The following DEGS2 variants were observed in gnomAD, a reference collection of about 807,000 sequenced individuals.
DEGS2 encodes the protein sphingolipid delta(4)-desaturase/C4-monooxygenase DES2.
Under a neutral mutation model 23.8 loss-of-function variants are expected in DEGS2, and 19 were observed. The observed-to-expected ratio is 0.80, with a 90% CI of 0.56 to 1.17. The LOEUF (loss-of-function observed/expected upper bound fraction) is 1.17, where lower values mean the gene tolerates loss of function less well. DEGS2 is among the 50% of genes most tolerant of loss of function. The probability of loss-of-function intolerance (pLI) is 0.00; values close to 1 mark genes in which losing one functional copy is unlikely to be tolerated. For synonymous variants in DEGS2, 218 were observed against 213.7 expected (o/e 1.02, Z -0.18); for missense variants, 390 against 459.5 (o/e 0.85, Z 1.38).
chr14:100,165,104 G>A, the DEGS2 span, among the ~76,000 whole-genome samples: 1 of 152,140 alleles, frequency 6.6e-6, no homozygotes, highest in Non-Finnish European at 1.5e-5. Context: ...TAGGACTAGA[G>A]ATTCCTTCTC....
chr14:100,165,145 C>T, the DEGS2 span, among the ~76,000 whole-genome samples: 1 of 152,186 alleles, frequency 6.6e-6, no homozygotes, highest in Non-Finnish European at 1.5e-5. Flanking sequence ...CAGCCCACAG[C>T]CCACTACCTC....
chr14:100,154,660 C>T (rs1005046578), intron 1 of DEGS2, among the ~76,000 whole-genome samples: 4 of 152,246 alleles, frequency 2.6e-5, no homozygotes, highest in African/African-American at 9.6e-5. Context: ...GGGAGGCCAG[C>T]CCAAAGCCCC....
chr14:100,149,674 T>C lies in DEGS2; in HGVS notation c.119A>G (p.Asp40Gly), dbSNP rs1369410184. 1 of 1,609,776 alleles carries C rather than the reference T, an allele frequency of 6.2e-7. No homozygotes were observed. Among genetic ancestry groups the C allele is most frequent in the Non-Finnish European group, 8.5e-7 (1 of 1,178,342 alleles). ...YPAIKALMRP[D>G]PRLKWAVLVL... Reference sequence around the variant, plus strand: ...CAGCACCGCCCACTTGAGGCGCGGGTCTGGCCGCATCAGGGCCTTGATGGC... The same window carrying C: ...CAGCACCGCCCACTTGAGGCGCGGGCCTGGCCGCATCAGGGCCTTGATGGC... Residue 40 changes from aspartate to glycine, a missense_variant, in exon 2 of 3, where the codon GAC becomes GGC. Asp to Gly is a moderately conservative substitution (Grantham distance 94). Coordinates refer to ENST00000305631, the MANE Select transcript of DEGS2 (RefSeq NM_206918.3).
intron 2 of DEGS2, among the ~76,000 whole-genome samples, chr14:100,147,394 AC>A (rs1233778445): frequency 6.6e-6 from 1 of 152,116 alleles, no homozygotes; most frequent in East Asian, 1.9e-4. Flanking sequence ...CCTGAGTCCT[AC>A]CAGGCCACAG....
chr14:100,164,977 G>A, the DEGS2 span, among the ~76,000 whole-genome samples: 1 of 152,296 alleles, frequency 6.6e-6, no homozygotes, highest in South Asian at 2.1e-4. Flanking sequence ...CACTGCAATG[G>A]TGGGTGGTAA....
At chr14:100,163,955 C>G (rs961253134), upstream of DEGS2, among the ~76,000 whole-genome samples, 2 of 152,134 alleles carry the variant, frequency 1.3e-5, no homozygotes, top group African/African-American at 4.8e-5. Flanking sequence ...TCATGCCCGC[C>G]CATAATCCCA....
Position 100,144,566 on chromosome 14 carries a change from CT to C in DEGS2, c.*2194del, listed in dbSNP as rs1375942039. On this transcript the variant is annotated 3_prime_UTR_variant, in exon 3 of 3. Coordinates refer to ENST00000305631, the MANE Select transcript of DEGS2 (RefSeq NM_206918.3). ...GCGTCCTGTTCAGGGGAGGGATGGA[CT>C]TGGGGCTTAGCAGGCACCAGGCAAA... is the stretch of plus-strand genomic sequence containing the variant. The C allele has an allele frequency of 3.3e-5, 5 of 152,382 alleles. No individual in the cohort carries two copies. The highest frequency in any genetic ancestry group is 5.9e-5 in the Non-Finnish European group (4 of 68,140). 9.4% of individuals were successfully genotyped at this position (152,382 alleles called of 1,614,324 possible).
intron 1 of DEGS2, 82 bp downstream of exon 1, chr14:100,159,424 C>G (rs1442241781): frequency 1.8e-6 from 2 of 1,116,448 alleles, no homozygotes; most frequent in Non-Finnish European, 2.4e-6. Context: ...TGGAGCGGCC[C>G]GTCTGGGCTC....
upstream of DEGS2, among the ~76,000 whole-genome samples, chr14:100,161,481 A>G (rs1307990654): frequency 6.6e-6 from 1 of 152,194 alleles, no homozygotes; most frequent in Non-Finnish European, 1.5e-5. Flanking sequence ...CCAGGAGCAC[A>G]TACTGTTGCG....
At chr14:100,152,049 G>C (rs1889580657) in intron 1 of DEGS2, among the ~76,000 whole-genome samples, 1 of 152,148 alleles carries the variant, frequency 6.6e-6, no homozygotes, top group African/African-American at 2.4e-5. Flanking sequence ...CTTGGAGGTG[G>C]TCAGCTGCCA....
chr14:100,158,086 CAAAAAAAAAAAAAA>C (rs55666851), intron 1 of DEGS2, among the ~76,000 whole-genome samples: 1 of 98,012 alleles, frequency 1.0e-5, no homozygotes, highest in African/African-American at 4.1e-5. Context: ...GACTTCCTCT[CAAAAAAAAAAAAAA>C]AAAAAAAAAA....
At chr14:100,164,893 A>G in the DEGS2 span, among the ~76,000 whole-genome samples, 1 of 152,354 alleles carries the variant, frequency 6.6e-6, no homozygotes, top group Admixed American at 6.5e-5. Context: ...GTAAAAGCCA[A>G]AGCTGGAGGT....
Position 100,149,338 on chromosome 14 carries a change from A to C in DEGS2, c.455T>G (p.Phe152Cys), listed in dbSNP as rs1308374767. The C allele has an allele frequency of 3.1e-6, 5 of 1,610,724 alleles. No homozygotes were observed. Among genetic ancestry groups the C allele is most frequent in the Non-Finnish European group, 4.2e-6 (5 of 1,178,764 alleles). Residue 152 changes from phenylalanine to cysteine, a missense_variant, in exon 2 of 3, where the codon TTC becomes TGC. Transcript: ENST00000305631. ...VDVPTRLEGW[F>C]FCTPARKLLW... is the part of the protein sequence containing the mutation. ...CAGCTTGCGGGCGGGTGTGCAGAAG[A>C]ACCAGCCCTCCAGACGCGTGGGCAC...
chr14:100,166,286 G>GGGGGGAGCCTGCCCGGGGGAGTC, the DEGS2 span, among the ~76,000 whole-genome samples: 1 of 19,156 alleles, frequency 5.2e-5, no homozygotes, highest in Non-Finnish European at 1.1e-4. Flanking sequence ...CTGGGGGAGT[G>GGGGGGAGCCTGCCCGGGGGAGTC]GGGGGAGCCT....
At chr14:100,147,101 A>G (rs1384377274) in intron 2 of DEGS2, among the ~76,000 whole-genome samples, 194 bp from the exon 3 acceptor site, 2 of 152,304 alleles carry the variant, frequency 1.3e-5, no homozygotes, top group South Asian at 2.1e-4. Flanking sequence ...TGGGGTGCCC[A>G]TGTCCAGCTT....
chr14:100,158,086 CAA>C (rs55666851), intron 1 of DEGS2, among the ~76,000 whole-genome samples: 3,138 of 97,880 alleles, frequency 0.032, 118 homozygotes, highest in African/African-American at 0.12. Context: ...GACTTCCTCT[CAA>C]AAAAAAAAAA....
rs7157599 is a variant in DEGS2, at chr14:100,159,565, C to T, written c.23G>A (p.Ser8Asn). ...GTCGGTGTAGACCCACTCGAAGTCG[C>T]TGCGGCTCGCGCTGTTGCCCATGGT... MGNSASR[S>N]DFEWVYTDQP... The change falls in exon 1 of 3, where the codon AGC (serine) becomes AAC (asparagine). Residue 8 changes from serine to asparagine, a missense_variant. By Grantham distance (46) the Ser-to-Asn change is conservative. Transcript: ENST00000305631. 1,079,826 of 1,499,636 alleles carry T rather than the reference C, an allele frequency of 0.72. 390,165 individuals are homozygous for T. Among genetic ancestry groups the T allele is most frequent in the African/African-American group, 0.85 (58,490 of 68,966 alleles). The allele number at this position is 1,499,636 out of a possible 1,614,324, so 92.9% of individuals were successfully genotyped here.
At chr14:100,153,072 T>TA (rs1889599969) in intron 1 of DEGS2, among the ~76,000 whole-genome samples, 1 of 151,686 alleles carries the variant, frequency 6.6e-6, no homozygotes, top group Non-Finnish European at 1.5e-5. Flanking sequence ...GCCTGGGCAA[T>TA]ATAGCAAGGC....
Position 100,149,539 on chromosome 14 carries a change from G to A in DEGS2, c.254C>T (p.Thr85Met), listed in dbSNP as rs147164898. The change falls in exon 2 of 3, where the codon ACG becomes ATG. Residue 85 changes from threonine (T) to methionine (M), a missense_variant. Coordinates refer to ENST00000305631, the MANE Select transcript of DEGS2 (RefSeq NM_206918.3). The stretch of plus-strand genomic sequence containing the variant: ...GTGCGAGATGTCGTGGATGGCCAGC[G>A]TCAGCGAGTGGTTCACGCAGCCACC... ...AFGGCVNHSL[T>M]LAIHDISHNA... The A allele has an allele frequency of 1.7e-5, 27 of 1,605,000 alleles. No individual in the cohort carries two copies. The highest frequency in any genetic ancestry group is 1.4e-4 in the Admixed American group (8 of 59,116).
Sources: allele counts gnomAD v4.1 joint callset (sites outside exome capture counted in the v4.1 genomes callset), GRCh38; gene constraint gnomAD v4.1.1; transcripts MANE v1.5; gene names NCBI Gene and HGNC (gene_info 2026-07-23, HGNC 2026-07-21).